The following DMD variants were observed in gnomAD, a reference collection of about 807,000 sequenced individuals.
DMD encodes the protein dystrophin.
A neutral mutation model predicts 330.1 loss-of-function variants in DMD; 63 were observed. That is an observed-to-expected ratio of 0.19 (90% CI 0.16 to 0.24). The LOEUF (loss-of-function observed/expected upper bound fraction) is 0.24, where lower values mean the gene tolerates loss of function less well. DMD is among the 10% of genes least tolerant of loss of function. The pLI, the probability that DMD is intolerant of heterozygous loss-of-function variation, is 1.00. For missense variants in DMD, 3,344 were observed against 2,684.1 expected, an observed-to-expected ratio of 1.25 and a Z score of -5.43; for synonymous variants, 1,223 against 959.8, an observed-to-expected ratio of 1.27 and a Z score of -5.07.
chrX:31,675,537 A>G (rs2082029125), intron 53 of DMD, among the ~76,000 whole-genome samples: 1 of 110,386 alleles, frequency 9.1e-6, no homozygotes, highest in African/African-American at 3.3e-5. Flanking sequence ...TAGTTTTTGT[A>G]TTTTTAGTAG....
Position 33,226,594 on chromosome X carries a change from G to T in DMD, c.7+112665C>A, listed in dbSNP as rs998220007. ...CTGAGGGCAGGAAAAAAGTGGGTCT[G>T]ACCATGAAAGGGCAACATGAGTGAT... On this transcript the variant is annotated intron_variant, in intron 1 of 17. Transcript: ENST00000288447. Among the ~76,000 whole-genome samples the T allele has an allele frequency of 2.6e-4, 29 of 111,426 alleles. No homozygotes were observed. In the Admixed American group the frequency reaches 2.7e-3, roughly 10 times the overall value.
intron 1 of DMD, among the ~76,000 whole-genome samples, chrX:33,083,872 C>T (rs1352688736): frequency 1.8e-5 from 2 of 110,826 alleles, no homozygotes; most frequent in Non-Finnish European, 3.8e-5. Flanking sequence ...GACAGAGACA[C>T]CCCATGCTGG....
intron 26 of DMD, among the ~76,000 whole-genome samples, chrX:32,452,807 C>G (rs1404519894): frequency 9.0e-6 from 1 of 111,173 alleles, no homozygotes; most frequent in East Asian, 2.8e-4. Context: ...CTGTGATACT[C>G]TAACAAAACC....
At position 31,177,016 on chromosome X, in the gene DMD, C is replaced by G. The variant is rs114937936; in HGVS notation, c.10262+916G>C. ...TTGAATTCTTACACAAGCTTATCTT[C>G]CGAATTGGTCATTTCCCCTTTATCC... On this transcript the variant is annotated intron_variant, in intron 71 of 78. Coordinates refer to ENST00000357033, the MANE Select transcript of DMD (RefSeq NM_004006.3). Among the ~76,000 whole-genome samples, 819 of 111,287 alleles carry G rather than the reference C, an allele frequency of 7.4e-3. 12 individuals carry two copies. Among genetic ancestry groups the G allele is most frequent in the African/African-American group, 0.025 (780 of 30,788 alleles).
intron 9 of DMD, among the ~76,000 whole-genome samples, chrX:32,683,298 T>C (rs1308406324): frequency 1.8e-5 from 2 of 110,795 alleles, no homozygotes; most frequent in Admixed American, 1.9e-4. Flanking sequence ...ACTGGGTATA[T>C]ACCCAAAGGA....
At chrX:33,023,995 G>C (rs1317275260) in intron 1 of DMD, among the ~76,000 whole-genome samples, 1 of 111,305 alleles carries the variant, frequency 9.0e-6, no homozygotes, top group African/African-American at 3.3e-5. Flanking sequence ...GTATTTACTT[G>C]AATTGATATA....
Position 32,350,041 on chromosome X carries a change from C to G in DMD, c.5326-1513G>C, listed in dbSNP as rs761603884. Among the ~76,000 whole-genome samples the G allele has an allele frequency of 4.5e-5, 5 of 111,120 alleles. No individual in the cohort carries two copies. The South Asian group carries it at 1.5e-3, about 33-fold the overall frequency. ...TATTTTATGTTATTAAATGGTTGTT[C>G]ACATTTGCTAATATTTAATGAAAGC... On this transcript the variant is annotated intron_variant, in intron 37 of 78. Coordinates refer to ENST00000357033, the MANE Select transcript of DMD (RefSeq NM_004006.3).
intron 62 of DMD, among the ~76,000 whole-genome samples, chrX:31,311,165 A>T (rs187296224): frequency 5.0e-3 from 559 of 110,714 alleles, no homozygotes; most frequent in Non-Finnish European, 8.3e-3. Flanking sequence ...ATTGTGACTT[A>T]TAGCCACAGA....
In DMD at chrX:32,965,337, C is replaced by CA. The variant is rs1247078217; in HGVS notation, c.93+54801dup. Among the ~76,000 whole-genome samples the CA allele has an allele frequency of 1.9e-4, 21 of 109,817 alleles. 1 individual carries two copies. The highest frequency in any genetic ancestry group is 1.8e-3 in the Admixed American group (18 of 10,244). ...TGAAATCCCATCTGTACTAAAAATA[C>CA]AAAAAAATTATCCGGGTGTGGTGGC... is the stretch of plus-strand genomic sequence containing the variant. On this transcript the variant is annotated intron_variant, in intron 2 of 78. Transcript: ENST00000357033.
intron 53 of DMD, among the ~76,000 whole-genome samples, chrX:31,676,659 A>G (rs895399933): frequency 8.9e-6 from 1 of 112,166 alleles, no homozygotes; most frequent in Non-Finnish European, 1.9e-5. Flanking sequence ...ATTGCTATGC[A>G]TTCGCATCAC....
At chrX:32,536,962 A>C (rs1017793674) in intron 17 of DMD, among the ~76,000 whole-genome samples, 2 of 112,093 alleles carry the variant, frequency 1.8e-5, no homozygotes, top group Non-Finnish European at 3.8e-5. Flanking sequence ...ATCAGTTAAA[A>C]ATTTCATACA....
intron 7 of DMD, among the ~76,000 whole-genome samples, chrX:32,802,584 C>T (rs1031454435): frequency 1.8e-5 from 2 of 111,485 alleles, no homozygotes; most frequent in African/African-American, 6.5e-5. Context: ...CCAGCTTTTG[C>T]CCATTCAGTA....
At position 32,491,225 on chromosome X, in the gene DMD, C is replaced by G. The variant is rs1181526644; in HGVS notation, c.2622+52G>C. 3 of 1,194,256 alleles carry G rather than the reference C, an allele frequency of 2.5e-6. No individual in the cohort carries two copies. In the Admixed American group the frequency reaches 6.6e-5, roughly 26 times the overall value. ...TTTGTTACTGTCTTCTTGGAAATTG[C>G]CAAGAAATACCTATTGATTATGCTC... On this transcript the variant is annotated intron_variant, in intron 20 of 78. Coordinates refer to ENST00000357033, the MANE Select transcript of DMD (RefSeq NM_004006.3).
At chrX:31,212,601 C>T (rs752451070) in intron 64 of DMD, among the ~76,000 whole-genome samples, 1 of 111,660 alleles carries the variant, frequency 9.0e-6, no homozygotes, top group Non-Finnish European at 1.9e-5. Context: ...CTAACTCTTG[C>T]TATTCCTTCC....
intron 1 of DMD, among the ~76,000 whole-genome samples, chrX:33,250,114 A>ATATAT (rs2052748421): frequency 1.4e-5 from 1 of 71,070 alleles, no homozygotes; most frequent in African/African-American, 1.0e-4. Flanking sequence ...TATATATATC[A>ATATAT]ATGTACACTT....
At chrX:32,194,001 G>A (rs767646993) in intron 44 of DMD, among the ~76,000 whole-genome samples, 45 of 111,859 alleles carry the variant, frequency 4.0e-4, no homozygotes, top group Non-Finnish European at 6.4e-4. Context: ...AGTTGAAATC[G>A]CGAAAGCTAT....
chrX:32,669,208 AT>A (rs1198635150), intron 9 of DMD, among the ~76,000 whole-genome samples: 1 of 111,236 alleles, frequency 9.0e-6, no homozygotes, highest in Admixed American at 9.6e-5. Context: ...ATCAGCCGTA[AT>A]TCTATGTATT....
At chrX:32,814,507 T>G (rs537418589) in intron 6 of DMD, among the ~76,000 whole-genome samples, 1 of 112,152 alleles carries the variant, frequency 8.9e-6, no homozygotes, top group East Asian at 2.8e-4. Context: ...CATTTTTTTC[T>G]TTAGATAAAG....
chrX:32,276,330 C>T (rs770891467), intron 43 of DMD, among the ~76,000 whole-genome samples: 1 of 112,424 alleles, frequency 8.9e-6, no homozygotes, highest in Non-Finnish European at 1.9e-5. Flanking sequence ...TAGATAACTT[C>T]TAGTCATAGC....
Sources: gnomAD v4.1 joint callset for allele counts (sites outside exome capture counted in the v4.1 genomes callset) on GRCh38, gnomAD v4.1.1 for gene constraint, MANE v1.5 for transcripts, NCBI Gene and HGNC (gene_info 2026-07-23, HGNC 2026-07-21) for gene names.